The following HECW2 variants were observed in gnomAD, a reference collection of about 807,000 sequenced individuals.
HECW2 encodes E3 ubiquitin-protein ligase HECW2.
In HECW2, 61 loss-of-function variants were observed where a neutral mutation model predicts 175.2. The ratio of observed to expected loss-of-function variants is 0.35; its 90% CI spans 0.28 to 0.43. The LOEUF (loss-of-function observed/expected upper bound fraction) is 0.43, where lower values mean the gene tolerates loss of function less well. HECW2 is among the 20% of genes least tolerant of loss of function. The pLI, the probability that HECW2 is intolerant of heterozygous loss-of-function variation, is 1.00. For synonymous variants in HECW2, 671 were observed against 731.0 expected (o/e 0.92, Z 1.32); for missense variants, 1,524 against 2,000.5 (o/e 0.76, Z 4.54).
intron 10 of HECW2, among the ~76,000 whole-genome samples, chr2:196,314,758 T>C (rs1355149198): frequency 6.6e-6 from 1 of 152,182 alleles, no homozygotes; most frequent in Admixed American, 6.5e-5. Context: ...ACTAACAGTG[T>C]TAAAAATCAC....
At chr2:196,204,519 G>T (rs1686996974) in intron 28 of HECW2, among the ~76,000 whole-genome samples, 2 of 152,272 alleles carry the variant, frequency 1.3e-5, no homozygotes, top group South Asian at 2.1e-4. Flanking sequence ...CAACCCAAGG[G>T]AACTTGGAAG....
At chr2:196,396,629 TA>T (rs1217202707) in intron 2 of HECW2, among the ~76,000 whole-genome samples, 5 of 152,236 alleles carry the variant, frequency 3.3e-5, no homozygotes, top group Non-Finnish European at 7.3e-5. Flanking sequence ...TGCCCCAGAC[TA>T]ATGTTTTTGG....
chr2:196,227,531 T>G (rs550853661), intron 22 of HECW2, among the ~76,000 whole-genome samples: 6 of 148,776 alleles, frequency 4.0e-5, no homozygotes, highest in African/African-American at 1.2e-4. Context: ...TGGCCACTGC[T>G]TGTGACTCCC....
At chr2:196,324,923 G>C (rs1692089585) in intron 6 of HECW2, 57 bp downstream of exon 6, 1 of 1,397,340 alleles carries the variant, frequency 7.2e-7, no homozygotes, top group African/African-American at 1.5e-5. Context: ...CAAGGAAAGA[G>C]AGAGACTGGG....
At chr2:196,329,097 G>A (rs749796087) in intron 5 of HECW2, among the ~76,000 whole-genome samples, 1 of 151,860 alleles carries the variant, frequency 6.6e-6, no homozygotes, top group Non-Finnish European at 1.5e-5. Flanking sequence ...TACTTGTATG[G>A]TAAACATACA....
chr2:196,366,780 G>A (rs1693756609), intron 2 of HECW2, among the ~76,000 whole-genome samples: 1 of 152,122 alleles, frequency 6.6e-6, no homozygotes, highest in African/African-American at 2.4e-5. Context: ...GAAATATTAA[G>A]GGGTTTAAAT....
intron 2 of HECW2, among the ~76,000 whole-genome samples, chr2:196,401,860 A>G (rs1226360756): frequency 6.6e-6 from 1 of 152,186 alleles, no homozygotes; most frequent in Non-Finnish European, 1.5e-5. Flanking sequence ...TCAAGGACCT[A>G]CTATGTTCTC....
At chr2:196,511,595 A>G (rs1339746664) in intron 1 of HECW2, among the ~76,000 whole-genome samples, 1 of 152,256 alleles carries the variant, frequency 6.6e-6, no homozygotes, top group Non-Finnish European at 1.5e-5. Flanking sequence ...ATAAATAAGC[A>G]CATAAATATA....
chr2:196,202,756 AG>A (rs1170900675), intron 28 of HECW2, among the ~76,000 whole-genome samples: 1 of 152,216 alleles, frequency 6.6e-6, no homozygotes, highest in Non-Finnish European at 1.5e-5. Flanking sequence ...GAATGTGAAC[AG>A]GATCTGTTAT....
chr2:196,412,138 C>G (rs773340447), intron 2 of HECW2, among the ~76,000 whole-genome samples: 2 of 152,162 alleles, frequency 1.3e-5, no homozygotes, highest in Non-Finnish European at 2.9e-5. Flanking sequence ...CTAGGGCTGC[C>G]GTGATAAATT....
chr2:196,322,618 T>C lies in HECW2; in HGVS notation c.744A>G (p.Lys248=). 6.2e-7 allele frequency: 1 copy of C among 1,611,346 alleles called. No homozygotes were observed. Among genetic ancestry groups the C allele is most frequent in the South Asian group, 1.1e-5 (1 of 90,806 alleles). ...CAGTAAGAAGTGCAAAAAAGGAATA[T>C]TTCTGAAAACACAAACAGATAACAT... is the stretch of plus-strand genomic sequence containing the variant. The part of the protein sequence containing the change: ...NTTNPIWHRE[K]YSFFALLTDV... Residue 248 remains lysine (K), a splice_region_variant and synonymous_variant, in exon 7 of 29, where the codon AAA becomes AAG. Coordinates refer to ENST00000644978, the MANE Select transcript of HECW2 (RefSeq NM_001348768.2).
chr2:196,275,666 C>G (rs1369379312), intron 15 of HECW2, among the ~76,000 whole-genome samples: 4 of 151,868 alleles, frequency 2.6e-5, no homozygotes, highest in Non-Finnish European at 5.9e-5. Flanking sequence ...GCAGGAGAAT[C>G]TCTTGAACCC....
intron 2 of HECW2, among the ~76,000 whole-genome samples, chr2:196,391,765 A>G (rs1057158425): frequency 6.6e-6 from 1 of 152,196 alleles, no homozygotes; most frequent in Non-Finnish European, 1.5e-5. Flanking sequence ...AGAATCTAGA[A>G]GTCTAAAATC....
At chr2:196,326,721 C>T (rs1043016320) in intron 5 of HECW2, among the ~76,000 whole-genome samples, 1 of 151,948 alleles carries the variant, frequency 6.6e-6, no homozygotes, top group Non-Finnish European at 1.5e-5. Flanking sequence ...GGATTACAGG[C>T]GTGAGCCACT....
chr2:196,238,116 C>G (rs1286463749), intron 21 of HECW2, among the ~76,000 whole-genome samples: 2 of 152,204 alleles, frequency 1.3e-5, no homozygotes, highest in African/African-American at 4.8e-5. Flanking sequence ...GTAGTTCCAG[C>G]TACTCAGGAG....
At chr2:196,303,228 A>G (rs978427156) in intron 13 of HECW2, among the ~76,000 whole-genome samples, 4 of 152,168 alleles carry the variant, frequency 2.6e-5, no homozygotes, top group African/African-American at 9.7e-5. Context: ...ATTGATTTGC[A>G]TATGTTGAAC....
chr2:196,321,543 G>A (rs1029855811), intron 7 of HECW2, among the ~76,000 whole-genome samples: 5 of 151,882 alleles, frequency 3.3e-5, no homozygotes, highest in African/African-American at 1.2e-4. Flanking sequence ...GATTATAGGT[G>A]CCCGCCACCA....
chr2:196,307,309 A>C, intron 11 of HECW2, 76 bp from the exon 12 acceptor site: 1 of 947,310 alleles, frequency 1.1e-6, no homozygotes, highest in East Asian at 2.5e-5. Context: ...AGAGTCTAGA[A>C]CTTTTCACTA....
chr2:196,483,150 A>G (rs1387854871), intron 1 of HECW2, among the ~76,000 whole-genome samples: 1 of 151,280 alleles, frequency 6.6e-6, no homozygotes, highest in African/African-American at 2.4e-5. Flanking sequence ...CCCTGGTGGT[A>G]GCCTCCAAAT....
Sources: allele counts gnomAD v4.1 joint callset (sites outside exome capture counted in the v4.1 genomes callset), GRCh38; gene constraint gnomAD v4.1.1; transcripts MANE v1.5; gene names NCBI Gene and HGNC (gene_info 2026-07-23, HGNC 2026-07-21).